The following MTUS2 variants were observed in gnomAD, a reference collection of about 807,000 sequenced individuals.
MTUS2 encodes microtubule associated scaffold protein 2.
Under a neutral mutation model 114.1 loss-of-function variants are expected in MTUS2, and 40 were observed. That is an observed-to-expected ratio of 0.35 (90% CI 0.27 to 0.46). The LOEUF (loss-of-function observed/expected upper bound fraction) is 0.46, where lower values mean the gene tolerates loss of function less well. Ranked by LOEUF, MTUS2 falls within the 20% of genes least tolerant of loss-of-function variation. MTUS2 has a pLI of 1.00. For missense variants in MTUS2, 1,679 were observed against 1,705.4 expected, an observed-to-expected ratio of 0.98 and a Z score of 0.27; for synonymous variants, 688 against 672.0, an observed-to-expected ratio of 1.02 and a Z score of -0.37.
intron 5 of MTUS2, among the ~76,000 whole-genome samples, chr13:29,166,602 T>G (rs1893327325): frequency 6.6e-6 from 1 of 152,228 alleles, no homozygotes; most frequent in Non-Finnish European, 1.5e-5. Context: ...CTTAAATGGA[T>G]AGATTTTTAT....
chr13:28,948,190 G>A (rs1882630972), intron 2 of MTUS2, among the ~76,000 whole-genome samples: 1 of 152,096 alleles, frequency 6.6e-6, no homozygotes, highest in Non-Finnish European at 1.5e-5. Context: ...GGAACTTTGT[G>A]CCTAAGTGTT....
intron 2 of MTUS2, among the ~76,000 whole-genome samples, chr13:29,013,997 C>T (rs1037138082): frequency 5.9e-5 from 9 of 152,228 alleles, no homozygotes; most frequent in Admixed American, 1.3e-4. Flanking sequence ...AGCAATTTCT[C>T]CAAGGATTAG....
intron 5 of MTUS2, among the ~76,000 whole-genome samples, chr13:29,107,527 A>G (rs558053717): frequency 6.6e-6 from 1 of 152,232 alleles, no homozygotes; most frequent in Non-Finnish European, 1.5e-5. Flanking sequence ...TTCTTCTAGG[A>G]CCTCTAAAAT....
At chr13:29,448,793 A>C (rs1593455497) in intron 9 of MTUS2, among the ~76,000 whole-genome samples, 2 of 126,158 alleles carry the variant, frequency 1.6e-5, no homozygotes, top group Non-Finnish European at 1.6e-5. Context: ...TCTCACTCTC[A>C]CCCAAACTGG....
intron 7 of MTUS2, among the ~76,000 whole-genome samples, chr13:29,344,235 T>C (rs1345261139): frequency 6.1e-5 from 3 of 49,180 alleles, no homozygotes; most frequent in Non-Finnish European, 2.0e-4. Context: ...TGTCTAGTGC[T>C]GTCAGTGGGT....
intron 2 of MTUS2, among the ~76,000 whole-genome samples, chr13:29,017,650 A>C (rs1886123207): frequency 6.6e-6 from 1 of 152,148 alleles, no homozygotes; most frequent in Non-Finnish European, 1.5e-5. Flanking sequence ...GAGGACGTCT[A>C]ACCAGTTGCT....
At chr13:29,079,455 T>A (rs1281169944) in intron 4 of MTUS2, among the ~76,000 whole-genome samples, 1 of 152,210 alleles carries the variant, frequency 6.6e-6, no homozygotes, top group Non-Finnish European at 1.5e-5. Flanking sequence ...TTGTTACTTA[T>A]GCTTTTCATG....
At chr13:29,032,568 T>C (rs997818942) in intron 3 of MTUS2, among the ~76,000 whole-genome samples, 4 of 152,222 alleles carry the variant, frequency 2.6e-5, no homozygotes, top group African/African-American at 9.6e-5. Flanking sequence ...TGTTCTTTCA[T>C]AGGAATATAA....
intron 5 of MTUS2, among the ~76,000 whole-genome samples, chr13:29,217,099 C>T (rs1041519623): frequency 6.6e-6 from 1 of 152,132 alleles, no homozygotes; most frequent in Admixed American, 6.5e-5. Flanking sequence ...TTCTGTAGAC[C>T]TCTACTCAAC....
intron 7 of MTUS2, among the ~76,000 whole-genome samples, chr13:29,326,667 C>G (rs1255768983): frequency 6.6e-6 from 1 of 152,170 alleles, no homozygotes; most frequent in Non-Finnish European, 1.5e-5. Context: ...GAACTATACT[C>G]TCTAAACTAA....
intron 2 of MTUS2, among the ~76,000 whole-genome samples, chr13:29,023,633 G>A (rs1213681867): frequency 6.6e-6 from 1 of 152,104 alleles, no homozygotes. Flanking sequence ...TAAAATACCT[G>A]TACCTTATAT....
chr13:29,446,793 C>G (rs749016986), intron 9 of MTUS2, among the ~76,000 whole-genome samples: 1 of 152,158 alleles, frequency 6.6e-6, no homozygotes, highest in Non-Finnish European at 1.5e-5. Flanking sequence ...TAAATTTTCT[C>G]TCTCTCCCTC....
intron 2 of MTUS2, among the ~76,000 whole-genome samples, chr13:28,841,487 A>G (rs943126923): frequency 5.3e-5 from 8 of 152,072 alleles, no homozygotes; most frequent in African/African-American, 1.7e-4. Flanking sequence ...GGCAGCTGCC[A>G]CTGTGGCGCT....
chr13:29,264,457 G>C (rs1032096357), intron 5 of MTUS2, among the ~76,000 whole-genome samples: 1 of 152,250 alleles, frequency 6.6e-6, no homozygotes, highest in East Asian at 1.9e-4. Context: ...TGCCCCATTG[G>C]GGACTCTGTG....
intron 8 of MTUS2, among the ~76,000 whole-genome samples, chr13:29,370,015 A>G (rs2138293328): frequency 6.6e-6 from 1 of 152,346 alleles, no homozygotes; most frequent in South Asian, 2.1e-4. Context: ...AGATATCCAT[A>G]ATCACTTTTA....
At chr13:29,428,843 A>T in intron 8 of MTUS2, 1 of 1,613,896 alleles carries the variant, frequency 6.2e-7, no homozygotes, top group Non-Finnish European at 8.5e-7. Flanking sequence ...GCCTGCCGGG[A>T]TGGGCCATTG....
chr13:29,276,380 C>A (rs1238660676), intron 5 of MTUS2, among the ~76,000 whole-genome samples: 1 of 152,120 alleles, frequency 6.6e-6, no homozygotes, highest in South Asian at 2.1e-4. Flanking sequence ...AGGGATCTTA[C>A]CTTGCAAATG....
intron 9 of MTUS2, among the ~76,000 whole-genome samples, chr13:29,462,201 CTT>C (rs1879544865): frequency 6.6e-6 from 1 of 152,186 alleles, no homozygotes; most frequent in African/African-American, 2.4e-5. Flanking sequence ...TGGGGATCCT[CTT>C]TTGAGAACCA....
At chr13:29,221,581 C>G (rs993284221) in intron 5 of MTUS2, among the ~76,000 whole-genome samples, 3 of 152,026 alleles carry the variant, frequency 2.0e-5, no homozygotes, top group Non-Finnish European at 2.9e-5. Flanking sequence ...TTTTAGACTT[C>G]TTTATATATC....
Sources: allele counts gnomAD v4.1 joint callset (sites outside exome capture counted in the v4.1 genomes callset), GRCh38; gene constraint gnomAD v4.1.1; transcripts MANE v1.5; gene names NCBI Gene and HGNC (gene_info 2026-07-23, HGNC 2026-07-21).